Variants in INTU observed in about 807,000 individuals in gnomAD.
INTU encodes the protein protein inturned.
A neutral mutation model predicts 100.5 loss-of-function variants in INTU; 68 were observed. The ratio of observed to expected loss-of-function variants is 0.68; its 90% CI spans 0.56 to 0.83. INTU has a LOEUF of 0.83. Ranked by LOEUF, INTU falls within the 40% of genes least tolerant of loss-of-function variation. The probability of loss-of-function intolerance (pLI) is 0.00; values close to 1 mark genes in which losing one functional copy is unlikely to be tolerated. For missense variants in INTU, 1,071 were observed against 1,114.7 expected (o/e 0.96, Z 0.56); for synonymous variants, 357 against 395.7 (o/e 0.90, Z 1.16).
chr4:127,725,535 C>CTTAGT lies in INTU; in HGVS notation c.*9100_*9101insTAGTT, dbSNP rs1369735391. On this transcript the variant is annotated 3_prime_UTR_variant, in exon 16 of 16. Transcript: ENST00000335251. ...ATGAATAAACGTAGCTGTTGATCAC[C>CTTAGT]TCAGGTTTTCATACAAACTGAACTA... 6.6e-6 allele frequency: 1 copy of CTTAGT among 152,144 alleles called. No individual in the cohort carries two copies. The highest frequency in any genetic ancestry group is 1.9e-4 in the East Asian group (1 of 5,204). 9.4% of individuals were successfully genotyped at this position (152,144 alleles called of 1,614,324 possible).
intron 4 of INTU, among the ~76,000 whole-genome samples, chr4:127,667,977 T>C (rs527574519): frequency 7.9e-5 from 12 of 152,142 alleles, no homozygotes; most frequent in Admixed American, 2.6e-4. Context: ...ATAATACTCT[T>C]TAGAGAGCTG....
chr4:127,648,921 C>A (rs574892090), intron 2 of INTU, among the ~76,000 whole-genome samples: 1 of 152,094 alleles, frequency 6.6e-6, no homozygotes, highest in South Asian at 2.1e-4. Context: ...TAATAGTTAA[C>A]CATCATAATG....
chr4:127,719,275 G>A lies in INTU; in HGVS notation c.*2839G>A, dbSNP rs1731311523. ...TTGTCTTTAGTTCTGTTTGTGTGATGAATTAAGTTTATTGATTTGCATATG... is the reference window on the plus strand; with the variant it reads ...TTGTCTTTAGTTCTGTTTGTGTGATAAATTAAGTTTATTGATTTGCATATG... On this transcript the variant is annotated 3_prime_UTR_variant, in exon 16 of 16. Coordinates refer to ENST00000335251, the MANE Select transcript of INTU (RefSeq NM_015693.4). 1 of 152,172 alleles carries A rather than the reference G, an allele frequency of 6.6e-6. No individual in the cohort carries two copies. The highest frequency in any genetic ancestry group is 1.5e-5 in the Non-Finnish European group (1 of 68,022). 9.4% of individuals were successfully genotyped at this position (152,172 alleles called of 1,614,324 possible).
chr4:127,692,981 T>C (rs1221422959), intron 8 of INTU, among the ~76,000 whole-genome samples: 2 of 152,192 alleles, frequency 1.3e-5, no homozygotes, highest in Non-Finnish European at 2.9e-5. Context: ...TTGGTGACTG[T>C]GGCTTTATAT....
At chr4:127,698,414 A>T (rs1024317484) in intron 8 of INTU, among the ~76,000 whole-genome samples, 1 of 150,852 alleles carries the variant, frequency 6.6e-6, no homozygotes, top group Non-Finnish European at 1.5e-5. Flanking sequence ...ATGAGCCAAG[A>T]TTGTGCCACT....
chr4:127,708,649 G>C lies in INTU; in HGVS notation c.2350G>C (p.Glu784Gln). 1 of 1,567,782 alleles carries C rather than the reference G, an allele frequency of 6.4e-7. No homozygotes were observed. The highest frequency in any genetic ancestry group is 8.8e-7 in the Non-Finnish European group (1 of 1,141,986). ...LKKDLPEKEL[E>Q]IYNTVKLTSG... ...AAAGGACCTTCCAGAAAAAGAATTA[G>C]AAATATATAACACAGTGAAGTAAGA... The change falls in exon 13 of 16, where the codon GAA (glutamate) becomes CAA (glutamine). Residue 784 changes from glutamate (E) to glutamine (Q), a missense_variant. Glu to Gln is a conservative substitution (Grantham distance 29). Transcript: ENST00000335251.
intron 3 of INTU, among the ~76,000 whole-genome samples, chr4:127,657,779 A>G (rs1243881403): frequency 6.6e-6 from 1 of 151,926 alleles, no homozygotes; most frequent in Non-Finnish European, 1.5e-5. Context: ...AGGAAAACAG[A>G]TTCAGGGTTC....
At chr4:127,655,474 A>G (rs540354043) in intron 2 of INTU, among the ~76,000 whole-genome samples, 144 of 150,386 alleles carry the variant, frequency 9.6e-4, no homozygotes, top group African/African-American at 3.4e-3. Flanking sequence ...CTGTTGGAAT[A>G]CCCTGCCGTG....
Position 127,714,030 on chromosome 4 carries a change from G to C in INTU, c.2654G>C (p.Cys885Ser). ...AAAGAACATGGTGTGTTGTTTGAAT[G>C]TTCACCTGGAAACTGGACTGATCAG... is the stretch of plus-strand genomic sequence containing the variant. ...PVKEHGVLFE[C>S]SPGNWTDQKK... The change falls in exon 15 of 16, where the codon TGT becomes TCT. Residue 885 changes from cysteine (C) to serine (S), a missense_variant. Physicochemically the swap from Cys to Ser is moderately radical, Grantham distance 112. Transcript: ENST00000335251. 1 of 1,613,688 alleles carries C rather than the reference G, an allele frequency of 6.2e-7. No individual in the cohort carries two copies. The highest frequency in any genetic ancestry group is 1.7e-5 in the Admixed American group (1 of 59,940).
intron 3 of INTU, among the ~76,000 whole-genome samples, chr4:127,658,454 G>A (rs1057471836): frequency 1.3e-5 from 2 of 152,176 alleles, no homozygotes; most frequent in Admixed American, 1.3e-4. Context: ...AGGGTACTAG[G>A]GTACTTCAGG....
rs1355858797 is a variant in INTU at position 127,660,108 on chromosome 4, G to T, written c.769-3273G>T. On this transcript the variant is annotated intron_variant, in intron 3 of 15. Coordinates refer to ENST00000335251, the MANE Select transcript of INTU (RefSeq NM_015693.4). ...AGGCATATGCAAGACAGGAGGTCAG[G>T]AAACCAGGTGGTTGGGTTTGCAGTA... Among the ~76,000 whole-genome samples the T allele has an allele frequency of 2.0e-5, 3 of 152,272 alleles. No homozygotes were observed. The East Asian group carries it at 5.8e-4, about 29-fold the overall frequency.
intron 8 of INTU, among the ~76,000 whole-genome samples, chr4:127,693,026 A>AT (rs1415493499): frequency 2.0e-5 from 3 of 151,532 alleles, no homozygotes; most frequent in East Asian, 3.9e-4. Flanking sequence ...ATGCCTCCAG[A>AT]TTTTTTTTGC....
chr4:127,715,102 A>G (rs988032750), intron 15 of INTU, among the ~76,000 whole-genome samples: 8 of 152,130 alleles, frequency 5.3e-5, no homozygotes, highest in African/African-American at 1.4e-4. Context: ...ACCAAATACT[A>G]TAGGAATTCT....
chr4:127,681,713 A>G (rs1468843798), intron 6 of INTU, among the ~76,000 whole-genome samples: 2 of 152,216 alleles, frequency 1.3e-5, no homozygotes, highest in Non-Finnish European at 2.9e-5. Flanking sequence ...CATATCTAAA[A>G]CACCAAAAGC....
Position 127,706,839 on chromosome 4 carries a change from G to A in INTU, c.2141G>A (p.Gly714Glu). ...AAGCCTAGTCCTTCCTGTAGTAGTG[G>A]AGGATCTGACAATGGTTGTGAAGGT... ...TRKPSPSCSSGGSDNGCEGGE... is the reference protein window; with the variant it reads ...TRKPSPSCSSEGSDNGCEGGE... The change falls in exon 12 of 16, where the codon GGA (glycine) becomes GAA (glutamate). Residue 714 changes from glycine to glutamate, a missense_variant. By Grantham distance (98) the Gly-to-Glu change is moderately conservative. Coordinates refer to ENST00000335251, the MANE Select transcript of INTU (RefSeq NM_015693.4). 1 of 1,614,088 alleles carries A rather than the reference G, an allele frequency of 6.2e-7. No individual in the cohort carries two copies. The highest frequency in any genetic ancestry group is 8.5e-7 in the Non-Finnish European group (1 of 1,179,994).
At chr4:127,635,292 A>G (rs1415368679) in intron 1 of INTU, among the ~76,000 whole-genome samples, 1 of 152,126 alleles carries the variant, frequency 6.6e-6, no homozygotes, top group Non-Finnish European at 1.5e-5. Flanking sequence ...AAGTTGACAC[A>G]TGGGCACATA....
chr4:127,676,032 C>A, intron 6 of INTU: 1 of 187,676 alleles, frequency 5.3e-6, no homozygotes, highest in Non-Finnish European at 1.2e-5. Context: ...AAGATGGCTA[C>A]AGTGAAAAAT....
intron 3 of INTU, among the ~76,000 whole-genome samples, chr4:127,660,139 G>C (rs72616923): frequency 0.03 from 4,542 of 152,200 alleles, 296 homozygotes; most frequent in East Asian, 0.26. Context: ...CAGTAGTCCA[G>C]AAGAGAGATG....
At chr4:127,693,556 C>T (rs1730249366) in intron 8 of INTU, among the ~76,000 whole-genome samples, 1 of 151,892 alleles carries the variant, frequency 6.6e-6, no homozygotes, top group Non-Finnish European at 1.5e-5. Flanking sequence ...TATTTGGATG[C>T]CCTTTATTTT....
Sources: allele counts gnomAD v4.1 joint callset (sites outside exome capture counted in the v4.1 genomes callset), GRCh38; gene constraint gnomAD v4.1.1; transcripts MANE v1.5; gene names NCBI Gene and HGNC (gene_info 2026-07-23, HGNC 2026-07-21).